GLI3: variants seen among roughly 807,000 people sequenced by gnomAD.
The protein encoded by GLI3 is transcription activator GLI3.
A neutral mutation model predicts 100.8 loss-of-function variants in GLI3; 20 were observed. That is an observed-to-expected ratio of 0.20 (90% CI 0.14 to 0.29). The LOEUF (loss-of-function observed/expected upper bound fraction) is 0.29. Among genes scored for constraint, GLI3 ranks in the 10% least tolerant of loss-of-function variants. GLI3 has a pLI of 1.00. For missense variants in GLI3, 2,040 were observed against 2,128.5 expected (o/e 0.96, Z 0.82); for synonymous variants, 938 against 860.5 (o/e 1.09, Z -1.58).
At chr7:42,251,187 C>T (rs556469244) in intron 1 of GLI3, among the ~76,000 whole-genome samples, 54 of 152,324 alleles carry the variant, frequency 3.5e-4, no homozygotes, top group African/African-American at 1.0e-3. Flanking sequence ...CCGCCCCCAA[C>T]CTTTTCTGCA....
At chr7:41,983,688 A>T (rs1340479158) in intron 10 of GLI3, among the ~76,000 whole-genome samples, 9 of 152,194 alleles carry the variant, frequency 5.9e-5, no homozygotes, top group African/African-American at 2.2e-4. Context: ...GATGGTGTAA[A>T]TTACAATGTG....
intron 1 of GLI3, among the ~76,000 whole-genome samples, chr7:42,254,142 C>T (rs1038812103): frequency 1.4e-5 from 2 of 146,750 alleles, no homozygotes; most frequent in East Asian, 2.0e-4. Flanking sequence ...TCACCTGAAC[C>T]TGGGAGGTGG....
At chr7:42,074,208 A>G (rs1784835539) in intron 4 of GLI3, among the ~76,000 whole-genome samples, 1 of 152,208 alleles carries the variant, frequency 6.6e-6, no homozygotes, top group Non-Finnish European at 1.5e-5. Context: ...TCTCCCTGTG[A>G]TCTGAAGAGG....
chr7:42,079,648 C>T (rs1051316367), intron 3 of GLI3, among the ~76,000 whole-genome samples: 1 of 152,218 alleles, frequency 6.6e-6, no homozygotes, highest in Non-Finnish European at 1.5e-5. Context: ...CAGGGCATCG[C>T]ACATGCACCA....
chr7:42,129,788 C>G (rs1478717634), intron 3 of GLI3, among the ~76,000 whole-genome samples: 2 of 151,806 alleles, frequency 1.3e-5, no homozygotes, highest in Admixed American at 1.3e-4. Flanking sequence ...CCAGCCTGGG[C>G]GACAGACCGA....
intron 2 of GLI3, among the ~76,000 whole-genome samples, chr7:42,222,173 C>T (rs1305518662): frequency 6.6e-6 from 1 of 152,190 alleles, no homozygotes; most frequent in East Asian, 1.9e-4. Flanking sequence ...GATTCTGACT[C>T]TCTAGGTGGA....
intron 10 of GLI3, among the ~76,000 whole-genome samples, chr7:42,015,953 C>T (rs1292742267): frequency 2.6e-5 from 4 of 151,996 alleles, no homozygotes; most frequent in East Asian, 1.9e-4. Flanking sequence ...TAGGGCAGAA[C>T]TGGGGGCAAT....
At chr7:42,160,639 A>G (rs1787111200) in intron 2 of GLI3, among the ~76,000 whole-genome samples, 1 of 152,162 alleles carries the variant, frequency 6.6e-6, no homozygotes, top group African/African-American at 2.4e-5. Context: ...TGCCCAACCT[A>G]TACTGCTAGA....
chr7:42,116,099 T>TGA (rs1186213928), intron 3 of GLI3, among the ~76,000 whole-genome samples: 1 of 151,948 alleles, frequency 6.6e-6, no homozygotes, highest in African/African-American at 2.4e-5. Flanking sequence ...ACCCTTTTCA[T>TGA]GAGACACACA....
intron 12 of GLI3, among the ~76,000 whole-genome samples, chr7:41,976,012 C>T (rs1164734064): frequency 6.6e-6 from 1 of 152,180 alleles, no homozygotes; most frequent in Non-Finnish European, 1.5e-5. Context: ...ACATTCTAGA[C>T]ATTGTGTAAT....
chr7:42,034,559 T>C (rs575436162), intron 7 of GLI3, among the ~76,000 whole-genome samples: 1 of 152,126 alleles, frequency 6.6e-6, no homozygotes, highest in Non-Finnish European at 1.5e-5. Context: ...TTGGCTAACC[T>C]GCCCCGTGTT....
intron 3 of GLI3, among the ~76,000 whole-genome samples, chr7:42,093,062 C>T (rs1361076634): frequency 1.3e-5 from 2 of 152,044 alleles, no homozygotes; most frequent in Admixed American, 1.3e-4. Flanking sequence ...GATCCACCTG[C>T]CTCGGCCTCC....
chr7:42,054,036 C>T lies in GLI3; in HGVS notation c.474-5340G>A, dbSNP rs75981231. On this transcript the variant is annotated intron_variant, in intron 4 of 14. Coordinates refer to ENST00000395925, the MANE Select transcript of GLI3 (RefSeq NM_000168.6). ...GATAAGGCCCTTTATGCTGTTTCTA[C>T]CCCTCTGTCTTCCAAGACATTGGAG... Among the ~76,000 whole-genome samples, 477 of 152,272 alleles carry T rather than the reference C, an allele frequency of 3.1e-3. 3 individuals are homozygous for T. The highest frequency in any genetic ancestry group is 0.011 in the African/African-American group (458 of 41,544).
intron 3 of GLI3, among the ~76,000 whole-genome samples, chr7:42,119,859 C>T (rs1785952219): frequency 1.3e-5 from 2 of 152,174 alleles, no homozygotes; most frequent in Admixed American, 6.5e-5. Context: ...AACTTTCTAC[C>T]CCCTGTTTGG....
chr7:42,040,227 G>A lies in GLI3; in HGVS notation c.839C>T (p.Ser280Phe). 6.2e-7 allele frequency: 1 copy of A among 1,612,964 alleles called. No individual in the cohort carries two copies. Among genetic ancestry groups the A allele is most frequent in the Non-Finnish European group, 8.5e-7 (1 of 1,178,990 alleles). ...CGGCCTGGCTGACAGCCTGGGGCTGGAGAATCTGGTGCCTGTTATATAAAC... is the reference window on the plus strand; with the variant it reads ...CGGCCTGGCTGACAGCCTGGGGCTGAAGAATCTGGTGCCTGTTATATAAAC... Reference protein sequence around the residue: ...YLHAMDSTRFSSPRLSARPSR... With the variant: ...YLHAMDSTRFFSPRLSARPSR... The change falls in exon 7 of 15, where the codon TCC (serine) becomes TTC (phenylalanine). Residue 280 changes from serine (S) to phenylalanine (F), a missense_variant. Ser to Phe is a radical substitution (Grantham distance 155). Around this residue, in one of 5 missense-constraint regions of GLI3, gnomAD observed 603 missense variants for 690.9 expected, o/e 0.87. Coordinates refer to ENST00000395925, the MANE Select transcript of GLI3 (RefSeq NM_000168.6).
At chr7:42,115,780 T>C (rs921680362) in intron 3 of GLI3, among the ~76,000 whole-genome samples, 4 of 152,190 alleles carry the variant, frequency 2.6e-5, no homozygotes, top group Non-Finnish European at 5.9e-5. Context: ...GTCAGTTTTA[T>C]GCTCTCCGTG....
At chr7:42,018,625 C>A (rs944206357) in intron 10 of GLI3, among the ~76,000 whole-genome samples, 4 of 152,060 alleles carry the variant, frequency 2.6e-5, no homozygotes, top group African/African-American at 9.7e-5. Context: ...AAAAGAAAGC[C>A]CCTCATTTTC....
intron 7 of GLI3, among the ~76,000 whole-genome samples, chr7:42,030,966 G>A (rs1290469982): frequency 8.6e-5 from 13 of 151,966 alleles, no homozygotes; most frequent in Admixed American, 7.9e-4. Context: ...TGATCCGGCC[G>A]CCTCGGCCTC....
chr7:42,154,237 T>C (rs1363572328), intron 2 of GLI3, among the ~76,000 whole-genome samples: 1 of 152,122 alleles, frequency 6.6e-6, no homozygotes, highest in Non-Finnish European at 1.5e-5. Flanking sequence ...GGGGAGACAC[T>C]GGACCCACGT....
Sources: allele counts gnomAD v4.1 joint callset (sites outside exome capture counted in the v4.1 genomes callset), GRCh38; gene constraint gnomAD v4.1.1; regional missense constraint gnomAD v4.1.1; transcripts MANE v1.5; gene names NCBI Gene and HGNC (gene_info 2026-07-23, HGNC 2026-07-21).